The following MYO7B variants were observed in gnomAD, a reference collection of about 807,000 sequenced individuals.
The protein encoded by MYO7B is myosin VIIB.
Under a neutral mutation model 259.7 loss-of-function variants are expected in MYO7B, and 212 were observed. That is an observed-to-expected ratio of 0.82 (90% CI 0.73 to 0.91). The LOEUF (loss-of-function observed/expected upper bound fraction) is 0.91, where lower values mean the gene tolerates loss of function less well. Among genes scored for constraint, MYO7B ranks in the 40% least tolerant of loss-of-function variants. The pLI, the probability that MYO7B is intolerant of heterozygous loss-of-function variation, is 0.00. For missense variants in MYO7B, 2,732 were observed against 2,813.5 expected, an observed-to-expected ratio of 0.97 and a Z score of 0.66; for synonymous variants, 1,197 against 1,166.4, an observed-to-expected ratio of 1.03 and a Z score of -0.54.
intron 5 of MYO7B, 69 bp downstream of exon 5, chr2:127,566,896 A>C: frequency 6.7e-7 from 1 of 1,484,268 alleles, no homozygotes; most frequent in Non-Finnish European, 9.1e-7. Context: ...CATGCCTGCA[A>C]GATCAGGCGA....
chr2:127,584,420 C>G lies in MYO7B; in HGVS notation c.1554+88C>G. 1 of 1,402,722 alleles carries G rather than the reference C, an allele frequency of 7.1e-7. No homozygotes were observed. The highest frequency in any genetic ancestry group is 9.9e-7 in the Non-Finnish European group (1 of 1,012,984). 86.9% of individuals were successfully genotyped at this position (1,402,722 alleles called of 1,614,324 possible). On this transcript the variant is annotated intron_variant, in intron 13 of 47. Transcript: ENST00000409816. This position sits in a 1 kb window ranked among gnomAD's most constrained non-coding sequence, Gnocchi z 5.8. ...TGGGAAACTCCATTTGGGTGGGCCA[C>G]TTGTTCTGAGAGTCACTAAAACCTC...
rs1352500648 is a variant in MYO7B at position 127,627,769 on chromosome 2, A to G, written c.4460+459A>G. On this transcript the variant is annotated intron_variant, in intron 33 of 47. Coordinates refer to ENST00000409816, the MANE Select transcript of MYO7B (RefSeq NM_001393586.1). The surrounding 1 kb of genome is among the most constrained non-coding windows in gnomAD (Gnocchi z 5.6). ...CTGACCCCCACTCCCATGGGTCTCC[A>G]TGGATCTCATTGACTGGGAACTTTT... is the stretch of plus-strand genomic sequence containing the variant. 1.1e-5 allele frequency: 5 copies of G among 458,080 alleles called. No individual in the cohort carries two copies. Among genetic ancestry groups the G allele is most frequent in the Non-Finnish European group, 2.2e-5 (5 of 228,056 alleles). The allele number at this position is 458,080 out of a possible 1,614,324, so 28.4% of individuals were successfully genotyped here.
chr2:127,589,851 G>A (rs183049678), intron 15 of MYO7B, among the ~76,000 whole-genome samples: 4,587 of 133,670 alleles, frequency 0.034, 168 homozygotes, highest in East Asian at 0.14. Flanking sequence ...GTGGATGGGT[G>A]GTGGGCGGGT....
intron 1 of MYO7B, among the ~76,000 whole-genome samples, chr2:127,552,582 G>A (rs1300731407): frequency 6.6e-6 from 1 of 152,170 alleles, no homozygotes; most frequent in East Asian, 1.9e-4. Flanking sequence ...CAGGCCATGT[G>A]GGGAATGGCA....
rs533153385 is a variant in MYO7B at position 127,596,246 on chromosome 2, A to G, written c.2245-216A>G. 4.6e-5 allele frequency among the ~76,000 whole-genome samples: 7 copies of G among 152,350 alleles called. No individual in the cohort carries two copies. In the South Asian group the frequency reaches 1.2e-3, roughly 27 times the overall value. On this transcript the variant is annotated intron_variant, in intron 18 of 47. Transcript: ENST00000409816. ...TGCCAGATTGAATTAGCAAGAAGAAAGAGCTAATGTGGGAAGTTCTTGGAT... is the reference window on the plus strand; with the variant it reads ...TGCCAGATTGAATTAGCAAGAAGAAGGAGCTAATGTGGGAAGTTCTTGGAT...
chr2:127,548,949 C>G (rs1181234063), intron 1 of MYO7B, among the ~76,000 whole-genome samples: 2 of 152,168 alleles, frequency 1.3e-5, no homozygotes, highest in African/African-American at 4.8e-5. Flanking sequence ...GGTCAGAGAA[C>G]ATACTTTGCG....
chr2:127,537,711 G>A (rs1169601838), intron 1 of MYO7B, among the ~76,000 whole-genome samples: 1 of 151,754 alleles, frequency 6.6e-6, no homozygotes, highest in East Asian at 1.9e-4. Context: ...GGAGGAGGGG[G>A]AGGAGAAGGA....
intron 1 of MYO7B, among the ~76,000 whole-genome samples, chr2:127,557,596 C>T (rs1483312864): frequency 6.6e-6 from 1 of 152,112 alleles, no homozygotes; most frequent in Non-Finnish European, 1.5e-5. Flanking sequence ...ACGGGGTGTT[C>T]CCCTGATGTA....
chr2:127,584,732 G>A lies in MYO7B; in HGVS notation c.1555-46G>A, dbSNP rs749095777. The A allele has an allele frequency of 1.9e-6, 3 of 1,608,350 alleles. No homozygotes were observed. Among genetic ancestry groups the A allele is most frequent in the Non-Finnish European group, 2.5e-6 (3 of 1,176,892 alleles). On this transcript the variant is annotated intron_variant, in intron 13 of 47. Coordinates refer to ENST00000409816, the MANE Select transcript of MYO7B (RefSeq NM_001393586.1). The surrounding 1 kb of genome is among the most constrained non-coding windows in gnomAD (Gnocchi z 5.8). The stretch of plus-strand genomic sequence containing the variant: ...AGTCCCTGAGCCTCACCTCCCCATG[G>A]CTGGACTCTGGGACCTCAGCCCACA...
At position 127,584,077 on chromosome 2, in the gene MYO7B, C is replaced by T. The variant is rs1287466421; in HGVS notation, c.1344-45C>T. The T allele has an allele frequency of 1.9e-6, 3 of 1,561,294 alleles. No homozygotes were observed. Among genetic ancestry groups the T allele is most frequent in the East Asian group, 2.3e-5 (1 of 43,048 alleles). The stretch of plus-strand genomic sequence containing the variant: ...GCTCCAGCCTGCTGCAGCGGGGACT[C>T]AGCTGGCCCCACTCCACCCCTGGGC... On this transcript the variant is annotated intron_variant, in intron 12 of 47. Transcript: ENST00000409816. The surrounding 1 kb of genome is among the most constrained non-coding windows in gnomAD (Gnocchi z 5.8).
chr2:127,549,147 T>TCTTC (rs199598753), intron 1 of MYO7B, among the ~76,000 whole-genome samples: 14 of 142,906 alleles, frequency 9.8e-5, no homozygotes, highest in Non-Finnish European at 1.7e-4. Context: ...CTTTCTTCTT[T>TCTTC]CTTCCTTCCT....
intron 6 of MYO7B, among the ~76,000 whole-genome samples, chr2:127,572,897 T>C (rs896210340): frequency 3.3e-5 from 5 of 151,608 alleles, no homozygotes; most frequent in Admixed American, 6.6e-5. Context: ...TACCTTTCCA[T>C]ATATAGTACA....
At chr2:127,567,989 G>T (rs181952222) in intron 5 of MYO7B, among the ~76,000 whole-genome samples, 4 of 152,332 alleles carry the variant, frequency 2.6e-5, no homozygotes, top group Non-Finnish European at 5.9e-5. Context: ...TAAGGCACAG[G>T]TGATCACATT....
In MYO7B at chr2:127,588,484, T is replaced by G. The variant is rs1426806327; in HGVS notation, c.1783T>G (p.Leu595Val). 27 of 1,613,272 alleles carry G rather than the reference T, an allele frequency of 1.7e-5. No individual in the cohort carries two copies. The highest frequency in any genetic ancestry group is 2.3e-5 in the Non-Finnish European group (27 of 1,179,864). ...CAAGTTTCTGAGGGAGATATTCAACTTGGAGTTAGCAGAGACCAAGCTGGG... is the reference window on the plus strand; with the variant it reads ...CAAGTTTCTGAGGGAGATATTCAACGTGGAGTTAGCAGAGACCAAGCTGGG... ...KNKFLREIFN[L>V]ELAETKLGHG... The change falls in exon 15 of 48, where the codon TTG becomes GTG. Residue 595 changes from leucine (L) to valine (V), a missense_variant. By Grantham distance (32) the Leu-to-Val change is conservative (BLOSUM62 1). This residue lies in a region of MYO7B where 1,906 missense variants were observed against 2,026.4 expected (regional missense o/e 0.94). Transcript: ENST00000409816.
rs943479943 is a variant in MYO7B at position 127,635,785 on chromosome 2, G to T, written c.5884G>T (p.Gly1962Cys). 19 of 1,598,194 alleles carry T rather than the reference G, an allele frequency of 1.2e-5. No homozygotes were observed. The highest frequency in any genetic ancestry group is 1.6e-5 in the Non-Finnish European group (19 of 1,172,662). The change falls in exon 44 of 48, where the codon GGC becomes TGC. Residue 1962 changes from glycine to cysteine, a missense_variant. This residue lies in a region of MYO7B where 821 missense variants were observed against 769.3 expected (regional missense o/e 1.07). Coordinates refer to ENST00000409816, the MANE Select transcript of MYO7B (RefSeq NM_001393586.1). Reference protein sequence around the residue: ...CSREDAIHLAGLIYKAQFNND... With the variant: ...CSREDAIHLACLIYKAQFNND... ...GCGGGAGGATGCCATCCACCTGGCG[G>T]GCCTCATCTACAAGGCCCAGTTCAA...
chr2:127,545,328 G>A (rs1693180188), intron 1 of MYO7B, among the ~76,000 whole-genome samples: 1 of 152,226 alleles, frequency 6.6e-6, no homozygotes, highest in African/African-American at 2.4e-5. Flanking sequence ...GGCAGGCAGG[G>A]TCATCTGAGG....
Position 127,607,435 on chromosome 2 carries a change from A to C in MYO7B, c.2643+11A>C. 1 of 1,550,160 alleles carries C rather than the reference A, an allele frequency of 6.5e-7. No individual in the cohort carries two copies. The highest frequency in any genetic ancestry group is 2.4e-5 in the East Asian group (1 of 40,914). On this transcript the variant is annotated intron_variant, in intron 21 of 47. Coordinates refer to ENST00000409816, the MANE Select transcript of MYO7B (RefSeq NM_001393586.1). The surrounding 1 kb of genome is among the most constrained non-coding windows in gnomAD (Gnocchi z 4.4). ...CAAAGGAAGGCCAATGTAGGTGGTCACCTGGCCTCTTGGGCAGGTGGGGCT... is the reference window on the plus strand; with the variant it reads ...CAAAGGAAGGCCAATGTAGGTGGTCCCCTGGCCTCTTGGGCAGGTGGGGCT...
chr2:127,618,814 G>C (rs1220669677), intron 26 of MYO7B, among the ~76,000 whole-genome samples: 1 of 152,216 alleles, frequency 6.6e-6, no homozygotes, highest in Non-Finnish European at 1.5e-5. Flanking sequence ...CTTCCAGAAA[G>C]ACCTCCCTGG....
At chr2:127,571,610 A>G (rs1416949913) in intron 6 of MYO7B, among the ~76,000 whole-genome samples, 3 of 151,506 alleles carry the variant, frequency 2.0e-5, no homozygotes, top group Admixed American at 1.3e-4. Flanking sequence ...CCTCCCGAGT[A>G]GCTGGAATTA....
Sources: gnomAD v4.1 joint callset for allele counts (sites outside exome capture counted in the v4.1 genomes callset) on GRCh38, gnomAD v4.1.1 for gene constraint, gnomAD v4.1.1 regional missense constraint, Gnocchi (gnomAD v3.1) non-coding constraint, MANE v1.5 for transcripts, NCBI Gene and HGNC (gene_info 2026-07-23, HGNC 2026-07-21) for gene names.